NCAPG2: variants seen among roughly 807,000 people sequenced by gnomAD.
The protein encoded by NCAPG2 is non-SMC condensin II complex subunit G2.
A neutral mutation model predicts 141.1 loss-of-function variants in NCAPG2; 53 were observed. That is an observed-to-expected ratio of 0.38 (90% CI 0.30 to 0.47). The LOEUF (loss-of-function observed/expected upper bound fraction) is 0.47. NCAPG2 is among the 20% of genes least tolerant of loss of function. The pLI is 0.99. For synonymous variants in NCAPG2, 499 were observed against 490.7 expected, an observed-to-expected ratio of 1.02 and a Z score of -0.22; for missense variants, 1,087 against 1,389.0, an observed-to-expected ratio of 0.78 and a Z score of 3.46.
chr7:158,631,813 A>G, intron 27 of NCAPG2, 96 bp from the exon 28 acceptor site: 2 of 1,036,124 alleles, frequency 1.9e-6, no homozygotes, highest in Non-Finnish European at 2.9e-6. Flanking sequence ...ATGGTTTGCA[A>G]CCATGCATTT....
chr7:158,664,319 GAATT>G, intron 14 of NCAPG2, 23 bp from the exon 15 acceptor site: 1 of 1,576,624 alleles, frequency 6.3e-7, no homozygotes. Flanking sequence ...GGATAAACAA[GAATT>G]AATGGATGTG....
At chr7:158,691,090 C>T (rs976660488) in intron 4 of NCAPG2, among the ~76,000 whole-genome samples, 2 of 152,204 alleles carry the variant, frequency 1.3e-5, no homozygotes, top group Non-Finnish European at 2.9e-5. Context: ...GACAGGTCTA[C>T]TGACCAATCA....
intron 26 of NCAPG2, 72 bp from the exon 27 acceptor site, chr7:158,644,460 T>C (rs1462227528): frequency 7.5e-6 from 10 of 1,336,340 alleles, no homozygotes; most frequent in Non-Finnish European, 1.1e-5. Flanking sequence ...CTGGTACACA[T>C]GTGGTACAAC....
In NCAPG2 at chr7:158,683,334, G is replaced by A. The variant is rs1396826395; in HGVS notation, c.890C>T (p.Pro297Leu). 12 of 1,605,974 alleles carry A rather than the reference G, an allele frequency of 7.5e-6. No homozygotes were observed. Among genetic ancestry groups the A allele is most frequent in the South Asian group, 1.1e-5 (1 of 89,762 alleles). ...TTTGGAATGCACTGGAGACCTCCTC[G>A]GAAGGTGTATCCCGTGGAACATGAA... ...QDFMFHGIHLPRRSPVHSKVR... is the reference protein window; with the variant it reads ...QDFMFHGIHLLRRSPVHSKVR... The change falls in exon 9 of 28, where the codon CCG becomes CTG. Residue 297 changes from proline to leucine, a missense_variant. Coordinates refer to ENST00000356309, the MANE Select transcript of NCAPG2 (RefSeq NM_017760.7).
intron 12 of NCAPG2, among the ~76,000 whole-genome samples, chr7:158,674,773 C>T (rs920353617): frequency 6.6e-6 from 1 of 152,210 alleles, no homozygotes; most frequent in Non-Finnish European, 1.5e-5. Context: ...AGCTTCTAAA[C>T]AGTTGATTCC....
At chr7:158,696,129 G>C (rs1835428729) in intron 2 of NCAPG2, 2 of 152,280 alleles carry the variant, frequency 1.3e-5, no homozygotes, top group African/African-American at 4.8e-5. Flanking sequence ...GCTCACTCTT[G>C]GGGACACATG....
intron 27 of NCAPG2, among the ~76,000 whole-genome samples, chr7:158,637,830 G>A (rs1045571388): frequency 2.6e-5 from 4 of 152,040 alleles, no homozygotes; most frequent in Admixed American, 6.6e-5. Context: ...ATAACCCATC[G>A]TGCCAACTCC....
chr7:158,663,358 C>T (rs979402501), intron 15 of NCAPG2, among the ~76,000 whole-genome samples: 1 of 152,260 alleles, frequency 6.6e-6, no homozygotes, highest in African/African-American at 2.4e-5. Flanking sequence ...TCACTGAACT[C>T]TTCTCTCTAT....
Position 158,668,249 on chromosome 7 carries a change from CCCA to C in NCAPG2, c.1479+3262_1479+3264del, listed in dbSNP as rs1381140086. The stretch of plus-strand genomic sequence containing the variant: ...CTACTGGGTCCCTCTGCCCTCCTTA[CCCA>C]CTACTGGGTCCCTCTGCCCTCCTTA... On this transcript the variant is annotated intron_variant, in intron 13 of 27. Coordinates refer to ENST00000356309, the MANE Select transcript of NCAPG2 (RefSeq NM_017760.7). The C allele has an allele frequency of 5.2e-4, 273 of 523,626 alleles. 54 individuals are homozygous for C. The African/African-American group carries it at 6.5e-3, about 12-fold the overall frequency. The allele number at this position is 523,626 out of a possible 1,614,324, so 32.4% of individuals were successfully genotyped here.
chr7:158,695,244 A>C, intron 2 of NCAPG2, among the ~76,000 whole-genome samples: 1 of 152,196 alleles, frequency 6.6e-6, no homozygotes, highest in South Asian at 2.1e-4. Flanking sequence ...CGCTTACATC[A>C]GGAAATACTA....
At chr7:158,662,131 T>A (rs1044624083) in intron 16 of NCAPG2, 63 bp downstream of exon 16, 101 of 1,452,956 alleles carry the variant, frequency 7.0e-5, no homozygotes, top group Non-Finnish European at 8.7e-5. Flanking sequence ...TGAGAACTTT[T>A]GTTAAATTCT....
chr7:158,678,994 G>A (rs773881737), intron 11 of NCAPG2, among the ~76,000 whole-genome samples: 4 of 151,982 alleles, frequency 2.6e-5, no homozygotes, highest in Admixed American at 1.3e-4. Context: ...CCACCACACC[G>A]GGCTGTTTTT....
rs182598977 is a variant in NCAPG2, at chr7:158,643,269, C to G, written c.3380+1020G>C. Among the ~76,000 whole-genome samples, 5 of 152,158 alleles carry G rather than the reference C, an allele frequency of 3.3e-5. No homozygotes were observed. The East Asian group carries it at 7.7e-4, about 23-fold the overall frequency. ...CTAATTTTTGTATTTTTAGTAGAGA[C>G]AGGGTTTTACCATGTTGGCCAGGCT... On this transcript the variant is annotated intron_variant, in intron 27 of 27. Transcript: ENST00000356309.
intron 27 of NCAPG2, among the ~76,000 whole-genome samples, chr7:158,637,565 T>A (rs1830356102): frequency 6.6e-6 from 1 of 152,280 alleles, no homozygotes; most frequent in Admixed American, 6.5e-5. Flanking sequence ...GAGTAGGCTT[T>A]CCAGCTCCGG....
intron 5 of NCAPG2, 48 bp downstream of exon 5, chr7:158,690,520 G>C (rs770196038): frequency 4.2e-5 from 66 of 1,563,358 alleles, no homozygotes; most frequent in Non-Finnish European, 5.3e-5. Flanking sequence ...ACTCCATCTG[G>C]GCAATAGAGA....
At chr7:158,666,555 G>C (rs948076020) in intron 13 of NCAPG2, among the ~76,000 whole-genome samples, 1 of 151,230 alleles carries the variant, frequency 6.6e-6, no homozygotes. Context: ...CTTTTATCTA[G>C]TCTGCCACGC....
intron 1 of NCAPG2, among the ~76,000 whole-genome samples, chr7:158,704,318 T>A (rs1393511359): frequency 6.9e-6 from 1 of 144,762 alleles, no homozygotes; most frequent in Non-Finnish European, 1.5e-5. Context: ...TGCCCAGGAC[T>A]GAGGGGACAC....
chr7:158,677,001 C>T (rs1298793946), intron 11 of NCAPG2, among the ~76,000 whole-genome samples: 2 of 152,096 alleles, frequency 1.3e-5, no homozygotes, highest in Admixed American at 1.3e-4. Context: ...TCAGAGAGCT[C>T]ACATCAGCCC....
rs756976958 is a variant in NCAPG2, at chr7:158,656,500, TAC to T, written c.2214+50_2214+51del. The T allele has an allele frequency of 1.2e-3, 1,963 of 1,611,202 alleles. 1 individual carries two copies. The highest frequency in any genetic ancestry group is 1.6e-3 in the Admixed American group (97 of 59,718). ...CCCTAGAAAAGCATGTAATTTCTAA[TAC>T]ACAGTTATCCTCACTCACCTAATTT... On this transcript the variant is annotated intron_variant, in intron 18 of 27. Coordinates refer to ENST00000356309, the MANE Select transcript of NCAPG2 (RefSeq NM_017760.7).
Sources: allele counts gnomAD v4.1 joint callset (sites outside exome capture counted in the v4.1 genomes callset), GRCh38; gene constraint gnomAD v4.1.1; transcripts MANE v1.5; gene names NCBI Gene and HGNC (gene_info 2026-07-23, HGNC 2026-07-21).